Variants in FSTL4 observed in about 807,000 individuals in gnomAD.
FSTL4 encodes the protein follistatin-related protein 4.
FSTL4 carries 28 observed loss-of-function variants against 78.2 expected under a neutral mutation model. The observed-to-expected ratio is 0.36, with a 90% CI of 0.27 to 0.49. The LOEUF (loss-of-function observed/expected upper bound fraction) is 0.49. Ranked by LOEUF, FSTL4 falls within the 20% of genes least tolerant of loss-of-function variation. The pLI is 0.98. For missense variants in FSTL4, 922 were observed against 1,084.9 expected, an observed-to-expected ratio of 0.85 and a Z score of 2.11; for synonymous variants, 422 against 440.5, an observed-to-expected ratio of 0.96 and a Z score of 0.53.
chr5:133,562,024 CTG>C (rs1759925394), intron 3 of FSTL4, among the ~76,000 whole-genome samples: 1 of 152,282 alleles, frequency 6.6e-6, no homozygotes. Flanking sequence ...AGCCCAGTGA[CTG>C]TAGAAGAACA....
the FSTL4 span, among the ~76,000 whole-genome samples, chr5:133,700,883 T>C: frequency 0.015 from 2,345 of 152,310 alleles, 58 homozygotes; most frequent in African/African-American, 0.051. Flanking sequence ...GGAAGTTCCA[T>C]AGGACTCCAA....
chr5:133,446,297 G>T (rs183753040), intron 3 of FSTL4, among the ~76,000 whole-genome samples: 1 of 152,180 alleles, frequency 6.6e-6, no homozygotes, highest in African/African-American at 2.4e-5. Context: ...AAAATTAGCC[G>T]GGCGTGCTGG....
chr5:133,212,799 A>G (rs1006341182), intron 13 of FSTL4, among the ~76,000 whole-genome samples: 16 of 152,348 alleles, frequency 1.1e-4, no homozygotes, highest in African/African-American at 3.1e-4. Flanking sequence ...CCAAATCATA[A>G]TACAAAGAAT....
chr5:133,281,963 G>A (rs1240250220), intron 6 of FSTL4, among the ~76,000 whole-genome samples: 1 of 152,138 alleles, frequency 6.6e-6, no homozygotes, highest in Non-Finnish European at 1.5e-5. Context: ...TGGCCTATCA[G>A]GTGGGTGGAA....
chr5:133,378,191 CA>C (rs1004265090), intron 4 of FSTL4, among the ~76,000 whole-genome samples: 4 of 149,450 alleles, frequency 2.7e-5, no homozygotes, highest in Non-Finnish European at 3.0e-5. Context: ...ACATCTACAC[CA>C]AAAAAAAAGA....
At chr5:133,203,379 G>A (rs548655076) in intron 14 of FSTL4, among the ~76,000 whole-genome samples, 2 of 152,308 alleles carry the variant, frequency 1.3e-5, no homozygotes, top group Admixed American at 1.3e-4. Flanking sequence ...TTTAGGAATG[G>A]AGCTGCCTTC....
At position 133,199,478 on chromosome 5, in the gene FSTL4, TCTC is replaced by T; in HGVS notation, c.2143_2145del (p.Glu715del). 6.2e-7 allele frequency: 1 copy of T among 1,614,206 alleles called. No homozygotes were observed. On this transcript the variant is annotated inframe_deletion, in exon 16 of 16. Transcript: ENST00000265342. This position sits in a 1 kb window ranked among gnomAD's most constrained non-coding sequence, Gnocchi z 4.4. Reference sequence around the variant, plus strand: ...GTCTGGATCTCGCCCCGCACTGTGATCTCCTGCACGTGCAGCCAGGGGCTGTCA... The same window carrying T: ...GTCTGGATCTCGCCCCGCACTGTGATCTGCACGTGCAGCCAGGGGCTGTCA...
At chr5:133,380,719 G>C (rs986154599) in intron 4 of FSTL4, among the ~76,000 whole-genome samples, 1 of 151,058 alleles carries the variant, frequency 6.6e-6, no homozygotes, top group African/African-American at 2.4e-5. Context: ...GACAACACAA[G>C]AAAACTACTG....
intron 6 of FSTL4, among the ~76,000 whole-genome samples, chr5:133,270,484 C>T (rs148639216): frequency 6.6e-5 from 10 of 152,306 alleles, no homozygotes; most frequent in South Asian, 2.1e-4. Context: ...GTTCCTGAAA[C>T]GGCGTGGCAG....
At chr5:133,786,366 C>CTTATGCACTTTTTA in the FSTL4 span, among the ~76,000 whole-genome samples, 1 of 152,234 alleles carries the variant, frequency 6.6e-6, no homozygotes, top group Non-Finnish European at 1.5e-5. Flanking sequence ...CTTCTGGCCC[C>CTTATGCACTTTTTA]TGCATAATTT....
the FSTL4 span, among the ~76,000 whole-genome samples, chr5:133,685,447 G>T: frequency 0.019 from 2,857 of 152,312 alleles, 85 homozygotes; most frequent in African/African-American, 0.065. Flanking sequence ...CAAGAGCCTA[G>T]CACACGCTGT....
intron 4 of FSTL4, among the ~76,000 whole-genome samples, chr5:133,351,098 C>T (rs62375986): frequency 1.3e-5 from 2 of 152,188 alleles, no homozygotes; most frequent in African/African-American, 2.4e-5. Context: ...GAAAGCGGCA[C>T]AGATGTCTCC....
chr5:133,685,920 C>T, the FSTL4 span, among the ~76,000 whole-genome samples: 33 of 152,300 alleles, frequency 2.2e-4, no homozygotes, highest in Admixed American at 1.4e-3. Flanking sequence ...TTCTTATTCG[C>T]CACACAATCT....
chr5:133,753,564 T>C, the FSTL4 span, among the ~76,000 whole-genome samples: 4 of 152,188 alleles, frequency 2.6e-5, no homozygotes, highest in African/African-American at 9.6e-5. Context: ...TAACTCTCAC[T>C]AGGGGCTGGC....
At chr5:133,245,815 G>A (rs555439954) in intron 7 of FSTL4, among the ~76,000 whole-genome samples, 1 of 152,310 alleles carries the variant, frequency 6.6e-6, no homozygotes, top group Admixed American at 6.5e-5. Flanking sequence ...GGCTCCAGGC[G>A]AGAGGGGTAC....
intron 4 of FSTL4, among the ~76,000 whole-genome samples, chr5:133,317,235 C>T (rs1753930621): frequency 2.0e-5 from 3 of 152,230 alleles, no homozygotes; most frequent in Admixed American, 6.5e-5. Flanking sequence ...AAAACCGAAG[C>T]ACACAGCTCG....
At chr5:133,801,150 C>T in the FSTL4 span, among the ~76,000 whole-genome samples, 1 of 152,160 alleles carries the variant, frequency 6.6e-6, no homozygotes, top group African/African-American at 2.4e-5. Context: ...CCTCGGGCCC[C>T]AGGCCTGGTC....
intron 3 of FSTL4, among the ~76,000 whole-genome samples, chr5:133,410,618 C>T (rs1314237152): frequency 6.6e-6 from 1 of 152,194 alleles, no homozygotes; most frequent in South Asian, 2.1e-4. Flanking sequence ...GGGCCCTTTA[C>T]CTGCCATACA....
intron 4 of FSTL4, among the ~76,000 whole-genome samples, chr5:133,383,295 G>A (rs1412295995): frequency 6.6e-6 from 1 of 152,108 alleles, no homozygotes; most frequent in Non-Finnish European, 1.5e-5. Flanking sequence ...AAGGAGGTTC[G>A]CCTTCTCCTG....
Sources: allele counts gnomAD v4.1 joint callset (sites outside exome capture counted in the v4.1 genomes callset), GRCh38; gene constraint gnomAD v4.1.1; non-coding constraint Gnocchi (gnomAD v3.1); transcripts MANE v1.5; gene names NCBI Gene and HGNC (gene_info 2026-07-23, HGNC 2026-07-21).